Variants in PRR14L observed in about 807,000 individuals in gnomAD.
PRR14L encodes the protein protein PRR14L.
Under a neutral mutation model 155.0 loss-of-function variants are expected in PRR14L, and 80 were observed. The observed-to-expected ratio is 0.52, with a 90% CI of 0.43 to 0.62. The LOEUF (loss-of-function observed/expected upper bound fraction) is 0.62, where lower values mean the gene tolerates loss of function less well. Among genes scored for constraint, PRR14L ranks in the 20% least tolerant of loss-of-function variants. The pLI, the probability that PRR14L is intolerant of heterozygous loss-of-function variation, is 0.00. For synonymous variants in PRR14L, 883 were observed against 916.0 expected (o/e 0.96, Z 0.65); for missense variants, 2,469 against 2,548.0 (o/e 0.97, Z 0.67).
At position 31,712,121 on chromosome 22, in the gene PRR14L, A is replaced by T. The variant is rs773294378; in HGVS notation, c.5718T>A (p.Pro1906=). 1.9e-6 allele frequency: 3 copies of T among 1,613,676 alleles called. No homozygotes were observed. In the Admixed American group the frequency reaches 5.0e-5, roughly 27 times the overall value. Residue 1906 remains proline, a synonymous_variant, in exon 4 of 9, where the codon CCT becomes CCA. Transcript: ENST00000327423. The stretch of plus-strand genomic sequence containing the variant: ...CCAGACTTGGTTGCCGCTTGCAGTG[A>T]GGGGAATGAAGAGAAGAGATTTCGA... ...CSFEISSLHS[P]HCKRQPSLGT...
rs1437468369 is a variant in PRR14L at position 31,713,376 on chromosome 22, A to C, written c.4463T>G (p.Leu1488Arg). The C allele has an allele frequency of 1.7e-5, 27 of 1,552,064 alleles. No individual in the cohort carries two copies. The East Asian group carries it at 5.6e-4, about 32-fold the overall frequency. The change falls in exon 4 of 9, where the codon CTT becomes CGT. Residue 1488 changes from leucine (L) to arginine (R), a missense_variant. Leu to Arg is a moderately radical substitution (Grantham distance 102). Around this residue, in one of 2 missense-constraint regions of PRR14L, gnomAD observed 2,363 missense variants for 2,371.6 expected, o/e 1.00. Coordinates refer to ENST00000327423, the MANE Select transcript of PRR14L (RefSeq NM_173566.3). ...TTGTGCTTTCCGAGGGGCACCAAGA[A>C]GGCAAGGACTTGTGCATGACTCAGT... ...KDTESCTSPC[L>R]LGAPRKAQDP...
Position 31,714,740 on chromosome 22 carries a change from G to A in PRR14L, c.3099C>T (p.Cys1033=). ...TCTTGACAAAGGCTCCTTTCAAATT[G>A]CATTTCTTTGGACTACCACAAGGTA... is the stretch of plus-strand genomic sequence containing the variant. ...NSLPCGSPKK[C]NLKGAFVKMS... The change falls in exon 4 of 9, where the codon TGC becomes TGT. Residue 1033 remains cysteine (C), a synonymous_variant. Transcript: ENST00000327423. 2 of 1,552,350 alleles carry A rather than the reference G, an allele frequency of 1.3e-6. No individual in the cohort carries two copies. The highest frequency in any genetic ancestry group is 1.7e-6 in the Non-Finnish European group (2 of 1,147,150).
chr22:31,703,485 T>A, intron 6 of PRR14L, 65 bp downstream of exon 6: 1 of 1,470,552 alleles, frequency 6.8e-7, no homozygotes, highest in Non-Finnish European at 9.4e-7. Context: ...TATAATGCGA[T>A]GTGAGTTGAC....
chr22:31,716,201 GCTGA>G lies in PRR14L; in HGVS notation c.1634_1637del (p.Val545AlafsTer12). 2 of 1,551,502 alleles carry G rather than the reference GCTGA, an allele frequency of 1.3e-6. No homozygotes were observed. Among genetic ancestry groups the G allele is most frequent in the Non-Finnish European group, 8.7e-7 (1 of 1,146,888 alleles). On this transcript the variant is annotated frameshift_variant, in exon 4 of 9. Transcript: ENST00000327423. LOFTEE classifies it high-confidence loss of function. ...TGTTGCCTTCCAGATTTCTCTGGAT[GCTGA>G]CTAAGGAGTTACAGTCTTTAGTGTA...
intron 7 of PRR14L, among the ~76,000 whole-genome samples, chr22:31,688,740 G>C (rs903309845): frequency 6.6e-6 from 1 of 151,844 alleles, no homozygotes; most frequent in Non-Finnish European, 1.5e-5. Context: ...TGAACTGACT[G>C]TTCTTTTTTT....
chr22:31,705,001 T>C (rs2074582268), intron 4 of PRR14L, among the ~76,000 whole-genome samples: 1 of 152,192 alleles, frequency 6.6e-6, no homozygotes, highest in Non-Finnish European at 1.5e-5. Flanking sequence ...GGCTGATGCC[T>C]ATAATCCCAG....
chr22:31,734,950 C>T (rs756810883), intron 2 of PRR14L, among the ~76,000 whole-genome samples: 33 of 152,210 alleles, frequency 2.2e-4, no homozygotes, highest in Non-Finnish European at 3.7e-4. Context: ...TTCTAATTGA[C>T]CTGCTAAAAC....
At chr22:31,748,865 T>C (rs964033830) in intron 1 of PRR14L, among the ~76,000 whole-genome samples, 1 of 152,172 alleles carries the variant, frequency 6.6e-6, no homozygotes, top group Non-Finnish European at 1.5e-5. Flanking sequence ...TGAGGCCCTC[T>C]TTGTTAATTT....
chr22:31,731,679 C>T (rs1017904018), intron 2 of PRR14L, among the ~76,000 whole-genome samples: 2 of 149,716 alleles, frequency 1.3e-5, no homozygotes, highest in Admixed American at 1.3e-4. Flanking sequence ...TGAGAGAAAA[C>T]TGGCTCTCAT....
intron 5 of PRR14L, 23 bp from the exon 6 acceptor site, chr22:31,703,744 G>T: frequency 2.1e-6 from 3 of 1,426,294 alleles, no homozygotes; most frequent in South Asian, 1.5e-5. Context: ...AGAGAAAGAA[G>T]ATATGAGAGG....
At chr22:31,706,607 A>G (rs1435413987) in intron 4 of PRR14L, among the ~76,000 whole-genome samples, 2 of 151,936 alleles carry the variant, frequency 1.3e-5, no homozygotes, top group African/African-American at 4.8e-5. Flanking sequence ...TATTCTTAGT[A>G]GACACGGGGT....
At chr22:31,698,913 CTG>C (rs1192320706) in intron 7 of PRR14L, among the ~76,000 whole-genome samples, 4 of 149,828 alleles carry the variant, frequency 2.7e-5, no homozygotes, top group Middle Eastern at 3.4e-3. Flanking sequence ...CAGAGCGAGA[CTG>C]TGTAAAAAAA....
chr22:31,688,798 GT>G (rs2074495722), intron 7 of PRR14L, among the ~76,000 whole-genome samples: 1 of 148,832 alleles, frequency 6.7e-6, no homozygotes, highest in South Asian at 2.1e-4. Flanking sequence ...GTTCTTTTTT[GT>G]TTTTTTCTTT....
In PRR14L at chr22:31,716,939, A is replaced by G. The variant is rs1286621742; in HGVS notation, c.900T>C (p.Cys300=). Residue 300 remains cysteine, a synonymous_variant, in exon 4 of 9, where the codon TGT becomes TGC. Transcript: ENST00000327423. The part of the protein sequence containing the change: ...SNVDNGKEEL[C]KPNLVCEADD... ...CTGCTTCACAGACCAGGTTTGGTTT[A>G]CACAACTCTTCCTTCCCATTGTCCA... 6.4e-7 allele frequency: 1 copy of G among 1,552,044 alleles called. No homozygotes were observed. The highest frequency in any genetic ancestry group is 2.4e-5 in the East Asian group (1 of 40,922).
intron 8 of PRR14L, among the ~76,000 whole-genome samples, chr22:31,686,360 G>A (rs1015154968): frequency 6.0e-5 from 9 of 150,546 alleles, no homozygotes; most frequent in East Asian, 3.9e-4. Flanking sequence ...CGCCCGCCTC[G>A]GCTTCCCAGT....
At chr22:31,746,394 T>C (rs1601521340) in intron 1 of PRR14L, among the ~76,000 whole-genome samples, 3 of 152,312 alleles carry the variant, frequency 2.0e-5, no homozygotes, top group East Asian at 3.9e-4. Flanking sequence ...TAACCACCAA[T>C]GCTTTTACAT....
At chr22:31,739,317 C>G (rs1417641573) in intron 1 of PRR14L, among the ~76,000 whole-genome samples, 1 of 152,154 alleles carries the variant, frequency 6.6e-6, no homozygotes, top group African/African-American at 2.4e-5. Context: ...CCATGCTATC[C>G]CATAGTACGT....
chr22:31,712,323 C>A lies in PRR14L; in HGVS notation c.5516G>T (p.Arg1839Leu). ...PGCYRIWTKK[R>L]SFSSHMPTMQ... ...GGTAGGCATGTGGCTGGAGAAGCTC[C>A]GTTTTTTTGTCCAGATTCGGTAACA... Residue 1839 changes from arginine to leucine, a missense_variant, in exon 4 of 9, where the codon CGG becomes CTG. This residue lies in a region of PRR14L where 2,363 missense variants were observed against 2,371.6 expected (regional missense o/e 1.00). Transcript: ENST00000327423. 6.2e-7 allele frequency: 1 copy of A among 1,614,110 alleles called. No homozygotes were observed. Among genetic ancestry groups the A allele is most frequent in the South Asian group, 1.1e-5 (1 of 91,078 alleles).
At chr22:31,748,649 G>A (rs749882431) in intron 1 of PRR14L, among the ~76,000 whole-genome samples, 1 of 152,176 alleles carries the variant, frequency 6.6e-6, no homozygotes, top group African/African-American at 2.4e-5. Context: ...GCCCACTTGG[G>A]GGGGTGGGAA....
Sources: gnomAD v4.1 joint callset for allele counts (sites outside exome capture counted in the v4.1 genomes callset) on GRCh38, gnomAD v4.1.1 for gene constraint, gnomAD v4.1.1 regional missense constraint, MANE v1.5 for transcripts, NCBI Gene and HGNC (gene_info 2026-07-23, HGNC 2026-07-21) for gene names.